LRRFIP1: variants seen among roughly 807,000 people sequenced by gnomAD.
The protein encoded by LRRFIP1 is LRR binding FLII interacting protein 1, also known as leucine-rich repeat flightless-interacting protein 1.
In LRRFIP1, 62 loss-of-function variants were observed where a neutral mutation model predicts 104.4. The ratio of observed to expected loss-of-function variants is 0.59; its 90% CI spans 0.48 to 0.73. The LOEUF (loss-of-function observed/expected upper bound fraction) is 0.73, where lower values mean the gene tolerates loss of function less well. Ranked by LOEUF, LRRFIP1 falls within the 30% of genes least tolerant of loss-of-function variation. LRRFIP1 has a pLI of 0.00. For missense variants in LRRFIP1, 796 were observed against 824.5 expected, an observed-to-expected ratio of 0.97 and a Z score of 0.42; for synonymous variants, 300 against 299.0, an observed-to-expected ratio of 1.00 and a Z score of -0.03.
At chr2:237,692,288 C>G (rs866272250) in intron 1 of LRRFIP1, 2 of 1,186,886 alleles carry the variant, frequency 1.7e-6, no homozygotes, top group East Asian at 7.6e-5. Flanking sequence ...CGCCGCGAGC[C>G]GCTCCCCGGC....
At chr2:237,710,176 T>C (rs1377701428) in intron 2 of LRRFIP1, among the ~76,000 whole-genome samples, 2 of 152,330 alleles carry the variant, frequency 1.3e-5, no homozygotes, top group East Asian at 3.9e-4. Flanking sequence ...ATATGTATTT[T>C]AAATGACAAA....
rs976344810 is a variant in LRRFIP1, at chr2:237,652,139, C to T, written c.96+24399C>T. ...CATCATGAAAGCAGTGGCGCCCCCA[C>T]TCTCTGGATGGAGAAGACTGGAGAG... On this transcript the variant is annotated intron_variant, in intron 1 of 23. Transcript: ENST00000308482. Among the ~76,000 whole-genome samples the T allele has an allele frequency of 1.2e-4, 18 of 152,264 alleles. 1 individual carries two copies. Among genetic ancestry groups the T allele is most frequent in the African/African-American group, 4.1e-4 (17 of 41,464 alleles).
chr2:237,637,286 G>A (rs746118662), intron 1 of LRRFIP1, among the ~76,000 whole-genome samples: 1 of 152,126 alleles, frequency 6.6e-6, no homozygotes, highest in Non-Finnish European at 1.5e-5. Context: ...TAACCAATAT[G>A]GTGAAACCCC....
rs1019710574 is a variant in LRRFIP1, at chr2:237,711,502, G to A, written c.184-2757G>A. ...CTTGCAGGCAGCACCTTTGGCCAAC[G>A]TCACCTTTTGCACGGTCCTCTGTGG... On this transcript the variant is annotated intron_variant, in intron 2 of 23. Transcript: ENST00000308482. This position sits in a 1 kb window ranked among gnomAD's most constrained non-coding sequence, Gnocchi z 4.4. 6.6e-6 allele frequency among the ~76,000 whole-genome samples: 1 copy of A among 152,208 alleles called. No homozygotes were observed. Among genetic ancestry groups the A allele is most frequent in the Non-Finnish European group, 1.5e-5 (1 of 68,032 alleles).
chr2:237,759,928 C>T, intron 18 of LRRFIP1, 136 bp from the exon 19 acceptor site: 1 of 713,208 alleles, frequency 1.4e-6, no homozygotes, highest in Non-Finnish European at 2.3e-6. Flanking sequence ...GTGCTGCACC[C>T]TAGCATTTCT....
intron 1 of LRRFIP1, chr2:237,692,449 C>T: frequency 1.3e-6 from 2 of 1,521,156 alleles, no homozygotes; most frequent in African/African-American, 1.4e-5. Flanking sequence ...GGGCCGAGCC[C>T]GGCAGGATGA....
At chr2:237,687,803 G>A (rs2092483558) in intron 1 of LRRFIP1, among the ~76,000 whole-genome samples, 1 of 152,216 alleles carries the variant, frequency 6.6e-6, no homozygotes, top group Non-Finnish European at 1.5e-5. Context: ...TGGGGAGGCT[G>A]AGAGCCACTG....
Position 237,720,784 on chromosome 2 carries a change from G to A in LRRFIP1, c.307G>A (p.Asp103Asn), listed in dbSNP as rs2150176384. ...TTTCTTTTAATAGGCTTCTGATGAAGACGAGCGCATGTCAGTGGGTAGTCG... is the reference window on the plus strand; with the variant it reads ...TTTCTTTTAATAGGCTTCTGATGAAAACGAGCGCATGTCAGTGGGTAGTCG... ...SRRNTSASDE[D>N]ERMSVGSRGS... Residue 103 changes from aspartate (D) to asparagine (N), a missense_variant, in exon 6 of 24, where the codon GAC becomes AAC. Coordinates refer to ENST00000308482, the MANE Select transcript of LRRFIP1 (RefSeq NM_001137550.2). 1.5e-5 allele frequency: 24 copies of A among 1,614,100 alleles called. No homozygotes were observed. Among genetic ancestry groups the A allele is most frequent in the Non-Finnish European group, 2.0e-5 (24 of 1,179,942 alleles).
chr2:237,705,137 G>A (rs960094224), intron 1 of LRRFIP1, among the ~76,000 whole-genome samples: 2 of 152,102 alleles, frequency 1.3e-5, no homozygotes, highest in African/African-American at 4.8e-5. Flanking sequence ...GGCCAGACCC[G>A]AGCAGAGCTA....
chr2:237,747,239 G>A (rs745912845), intron 11 of LRRFIP1, among the ~76,000 whole-genome samples: 2 of 152,216 alleles, frequency 1.3e-5, no homozygotes, highest in Non-Finnish European at 2.9e-5. Flanking sequence ...TGGCTGACCA[G>A]CTATAACTCC....
chr2:237,741,761 G>A (rs993289241), intron 11 of LRRFIP1, among the ~76,000 whole-genome samples: 9 of 152,054 alleles, frequency 5.9e-5, no homozygotes, highest in Non-Finnish European at 1.2e-4. Context: ...ACAGGAGGTG[G>A]AGGTTGCAGT....
rs2085533842 is a variant in LRRFIP1 at position 237,649,476 on chromosome 2, AGCCAAGATTGTGC to A, written c.96+21737_96+21749del. ...AGCCCAGGACGTGGAGGCTGCAGTG[AGCCAAGATTGTGC>A]CATTGCACTCCAGCCTGGGCAACCA... On this transcript the variant is annotated intron_variant, in intron 1 of 23. Coordinates refer to ENST00000308482, the MANE Select transcript of LRRFIP1 (RefSeq NM_001137550.2). The surrounding 1 kb of genome is among the most constrained non-coding windows in gnomAD (Gnocchi z 4.1). Among the ~76,000 whole-genome samples, 1 of 151,982 alleles carries A rather than the reference AGCCAAGATTGTGC, an allele frequency of 6.6e-6. No homozygotes were observed. Among genetic ancestry groups the A allele is most frequent in the Admixed American group, 6.5e-5 (1 of 15,280 alleles).
intron 1 of LRRFIP1, among the ~76,000 whole-genome samples, chr2:237,694,703 G>A (rs1230469317): frequency 6.6e-6 from 1 of 152,226 alleles, no homozygotes; most frequent in Non-Finnish European, 1.5e-5. Flanking sequence ...ACCTCAACTA[G>A]AAGACAAAAG....
intron 14 of LRRFIP1, among the ~76,000 whole-genome samples, chr2:237,752,388 A>G (rs1034160432): frequency 6.6e-6 from 1 of 152,236 alleles, no homozygotes; most frequent in South Asian, 2.1e-4. Flanking sequence ...CCTGGGTGAC[A>G]GAGCGAGACA....
At chr2:237,765,872 G>T (rs898848934) in intron 19 of LRRFIP1, 3 of 983,242 alleles carry the variant, frequency 3.1e-6, no homozygotes, top group East Asian at 1.1e-4. Flanking sequence ...TGAGGAAAAC[G>T]TGTTATTATG....
intron 20 of LRRFIP1, chr2:237,770,403 C>T (rs1021869530): frequency 5.6e-6 from 1 of 178,270 alleles, no homozygotes; most frequent in East Asian, 1.5e-4. Flanking sequence ...CAGTTTTGTA[C>T]TCTTGGTGAT....
chr2:237,649,640 C>T lies in LRRFIP1; in HGVS notation c.96+21900C>T, dbSNP rs1312137942. Among the ~76,000 whole-genome samples, 3 of 151,982 alleles carry T rather than the reference C, an allele frequency of 2.0e-5. No homozygotes were observed. The highest frequency in any genetic ancestry group is 4.8e-5 in the African/African-American group (2 of 41,438). On this transcript the variant is annotated intron_variant, in intron 1 of 23. Transcript: ENST00000308482. This position sits in a 1 kb window ranked among gnomAD's most constrained non-coding sequence, Gnocchi z 4.1. Reference sequence around the variant, plus strand: ...TTTCTGAGAAGAAGGTGACTTTTCCCGGTTGCTGTCCATGCAGACTGTGAG... The same window carrying T: ...TTTCTGAGAAGAAGGTGACTTTTCCTGGTTGCTGTCCATGCAGACTGTGAG...
intron 3 of LRRFIP1, among the ~76,000 whole-genome samples, chr2:237,716,915 G>T (rs1431792855): frequency 6.6e-6 from 1 of 152,192 alleles, no homozygotes; most frequent in African/African-American, 2.4e-5. Context: ...ATAAGCTAAA[G>T]CAAGCTTGTC....
intron 23 of LRRFIP1, among the ~76,000 whole-genome samples, chr2:237,776,855 G>C (rs977947845): frequency 6.6e-6 from 1 of 152,142 alleles, no homozygotes; most frequent in South Asian, 2.1e-4. Flanking sequence ...TCTGGAATCT[G>C]TGGATCTTAA....
Sources: allele counts gnomAD v4.1 joint callset (sites outside exome capture counted in the v4.1 genomes callset), GRCh38; gene constraint gnomAD v4.1.1; non-coding constraint Gnocchi (gnomAD v3.1); transcripts MANE v1.5; gene names NCBI Gene and HGNC (gene_info 2026-07-23, HGNC 2026-07-21).